Variants in CADPS observed in about 807,000 individuals in gnomAD.
CADPS encodes calcium dependent secretion activator.
In CADPS, 57 loss-of-function variants were observed where a neutral mutation model predicts 167.3. That is an observed-to-expected ratio of 0.34 (90% CI 0.28 to 0.42). The LOEUF is 0.42. CADPS is among the 20% of genes least tolerant of loss of function. The pLI is 1.00. For missense variants in CADPS, 1,414 were observed against 1,738.1 expected (o/e 0.81, Z 3.32); for synonymous variants, 676 against 635.3 (o/e 1.06, Z -0.96).
chr3:62,812,391 AT>A (rs2094431060), intron 1 of CADPS, among the ~76,000 whole-genome samples: 1 of 152,210 alleles, frequency 6.6e-6, no homozygotes, highest in Non-Finnish European at 1.5e-5. Context: ...TCCAAGTTTC[AT>A]CAGTTAGTGA....
At chr3:62,780,485 T>C (rs2091360429) in intron 1 of CADPS, among the ~76,000 whole-genome samples, 1 of 152,186 alleles carries the variant, frequency 6.6e-6, no homozygotes, top group South Asian at 2.1e-4. Flanking sequence ...TAGTTTGTGA[T>C]GAAGAGCATT....
At position 62,844,308 on chromosome 3, in the gene CADPS, G is replaced by A. The variant is rs563663459; in HGVS notation, c.441+30281C>T. Among the ~76,000 whole-genome samples the A allele has an allele frequency of 2.0e-5, 3 of 152,248 alleles. No individual in the cohort carries two copies. The East Asian group carries it at 5.8e-4, about 29-fold the overall frequency. On this transcript the variant is annotated intron_variant, in intron 1 of 29. Coordinates refer to ENST00000383710, the MANE Select transcript of CADPS (RefSeq NM_003716.4). The stretch of plus-strand genomic sequence containing the variant: ...ACTAAACTCTAAGGGAAGGGGAAAT[G>A]GGAAACAGTAAAACCATCTGGTTGA...
At chr3:62,872,389 T>C (rs1477298936) in intron 1 of CADPS, among the ~76,000 whole-genome samples, 1 of 152,170 alleles carries the variant, frequency 6.6e-6, no homozygotes. Flanking sequence ...AAAGCTTCTT[T>C]TTGTAATAAG....
chr3:62,580,267 T>A (rs2083152423), intron 8 of CADPS, among the ~76,000 whole-genome samples: 1 of 152,156 alleles, frequency 6.6e-6, no homozygotes, highest in Non-Finnish European at 1.5e-5. Flanking sequence ...TAAAAAAGGA[T>A]GAGCTCATGT....
intron 26 of CADPS, among the ~76,000 whole-genome samples, chr3:62,460,242 G>A (rs185598330): frequency 2.0e-5 from 3 of 152,258 alleles, no homozygotes; most frequent in East Asian, 3.9e-4. Flanking sequence ...CACAGTGTCC[G>A]GCACATAGTA....
At chr3:62,665,022 GC>G (rs1330477522) in intron 3 of CADPS, among the ~76,000 whole-genome samples, 5 of 152,160 alleles carry the variant, frequency 3.3e-5, no homozygotes, top group Non-Finnish European at 5.9e-5. Flanking sequence ...ACTCCATGGA[GC>G]TTAAATCCAG....
intron 11 of CADPS, among the ~76,000 whole-genome samples, chr3:62,542,472 A>AT (rs1459456419): frequency 6.6e-6 from 1 of 152,046 alleles, no homozygotes; most frequent in Non-Finnish European, 1.5e-5. Flanking sequence ...TTGTTTATGG[A>AT]TTTTTCTAGA....
chr3:62,800,139 C>T (rs1182231834), intron 1 of CADPS, among the ~76,000 whole-genome samples: 1 of 152,120 alleles, frequency 6.6e-6, no homozygotes, highest in Admixed American at 6.6e-5. Context: ...GAAATGGGTG[C>T]CAACAGAAAG....
At chr3:62,836,822 T>C (rs1440248657) in intron 1 of CADPS, among the ~76,000 whole-genome samples, 1 of 152,108 alleles carries the variant, frequency 6.6e-6, no homozygotes, top group Non-Finnish European at 1.5e-5. Flanking sequence ...CACCCCCCGT[T>C]GTCATCAGAA....
At chr3:62,490,937 G>A (rs958986158) in intron 21 of CADPS, among the ~76,000 whole-genome samples, 1 of 152,100 alleles carries the variant, frequency 6.6e-6, no homozygotes, top group Non-Finnish European at 1.5e-5. Flanking sequence ...TATAGTATAT[G>A]GCCTTTTATA....
intron 11 of CADPS, among the ~76,000 whole-genome samples, chr3:62,543,537 A>G (rs2076029747): frequency 6.6e-6 from 1 of 152,152 alleles, no homozygotes; most frequent in African/African-American, 2.4e-5. Context: ...CAGACATTCA[A>G]GAAAAGTAAA....
At chr3:62,641,318 G>T (rs1012536801) in intron 6 of CADPS, among the ~76,000 whole-genome samples, 2 of 152,094 alleles carry the variant, frequency 1.3e-5, no homozygotes, top group Non-Finnish European at 2.9e-5. Flanking sequence ...CTGATCAGAA[G>T]AATTGAAAAA....
At chr3:62,860,121 G>C (rs1164977779) in intron 1 of CADPS, among the ~76,000 whole-genome samples, 1 of 152,046 alleles carries the variant, frequency 6.6e-6, no homozygotes, top group Non-Finnish European at 1.5e-5. Flanking sequence ...CTGTAGTTTT[G>C]CTTGGCTTCT....
At chr3:62,748,095 C>T (rs1470261865) in intron 3 of CADPS, among the ~76,000 whole-genome samples, 2 of 143,092 alleles carry the variant, frequency 1.4e-5, no homozygotes, top group African/African-American at 2.6e-5. Flanking sequence ...CTGAGGCGGG[C>T]GGATCACAAG....
At chr3:62,814,103 T>C (rs1434728894) in intron 1 of CADPS, among the ~76,000 whole-genome samples, 1 of 152,156 alleles carries the variant, frequency 6.6e-6, no homozygotes, top group African/African-American at 2.4e-5. Context: ...ACATAGGCCC[T>C]GAAATCTATT....
chr3:62,677,448 G>A (rs952931472), intron 3 of CADPS, among the ~76,000 whole-genome samples: 5 of 152,066 alleles, frequency 3.3e-5, no homozygotes, highest in African/African-American at 1.2e-4. Context: ...GAGCAATTTT[G>A]TCCCTAGGAA....
intron 8 of CADPS, 51 bp from the exon 9 acceptor site, chr3:62,570,989 T>C (rs753337195): frequency 2.6e-6 from 3 of 1,153,804 alleles, no homozygotes; most frequent in African/African-American, 1.5e-5. Flanking sequence ...AGTGAGTGAA[T>C]TGTTGAACAC....
intron 18 of CADPS, among the ~76,000 whole-genome samples, chr3:62,497,163 T>C (rs1229120377): frequency 6.6e-6 from 1 of 152,214 alleles, no homozygotes; most frequent in Non-Finnish European, 1.5e-5. Context: ...TTGTTTAGCA[T>C]ATAAGCCCTC....
chr3:62,696,589 T>C, intron 3 of CADPS, among the ~76,000 whole-genome samples: 1 of 152,110 alleles, frequency 6.6e-6, no homozygotes, highest in East Asian at 1.9e-4. Flanking sequence ...TTCCCTTTGT[T>C]TCCTCAACTC....
Sources: allele counts gnomAD v4.1 joint callset (sites outside exome capture counted in the v4.1 genomes callset), GRCh38; gene constraint gnomAD v4.1.1; transcripts MANE v1.5; gene names NCBI Gene and HGNC (gene_info 2026-07-23, HGNC 2026-07-21).